GATA4: variants seen among roughly 807,000 people sequenced by gnomAD.
GATA4 encodes GATA binding protein 4.
A neutral mutation model predicts 37.9 loss-of-function variants in GATA4; 7 were observed. That is an observed-to-expected ratio of 0.18 (90% CI 0.11 to 0.35). The LOEUF is 0.35. Ranked by LOEUF, GATA4 falls within the 10% of genes least tolerant of loss-of-function variation. GATA4 has a pLI of 1.00. For synonymous variants in GATA4, 372 were observed against 292.6 expected, an observed-to-expected ratio of 1.27 and a Z score of -2.77; for missense variants, 647 against 653.0, an observed-to-expected ratio of 0.99 and a Z score of 0.10.
chr8:11,690,519 G>T (rs932486438), upstream of GATA4, among the ~76,000 whole-genome samples: 1 of 151,994 alleles, frequency 6.6e-6, no homozygotes. Context: ...AAACAGAAGG[G>T]GAAAGAGACT....
At chr8:11,748,789 G>A (rs1343703628) in intron 2 of GATA4, 127 bp from the exon 3 acceptor site, 8 of 1,048,920 alleles carry the variant, frequency 7.6e-6, no homozygotes, top group East Asian at 4.7e-5. Context: ...AGAGCAGCCC[G>A]AGGTGGTCTT....
At chr8:11,688,586 C>T (rs1210078299), upstream of GATA4, among the ~76,000 whole-genome samples, 2 of 151,836 alleles carry the variant, frequency 1.3e-5, no homozygotes, top group African/African-American at 2.4e-5. Flanking sequence ...TGTGTGGGGA[C>T]GTTATGTGAT....
intron 1 of GATA4, among the ~76,000 whole-genome samples, chr8:11,695,801 G>T (rs1418445754): frequency 6.6e-6 from 1 of 152,168 alleles, no homozygotes; most frequent in Non-Finnish European, 1.5e-5. Context: ...AAACATGAGT[G>T]CACCGGCGCT....
rs188654804 is a variant in GATA4 at position 11,758,873 on chromosome 8, C to A, written c.*398C>A. 6.4e-4 allele frequency: 208 copies of A among 325,360 alleles called. No individual in the cohort carries two copies. Among genetic ancestry groups the A allele is most frequent in the African/African-American group, 3.9e-3 (180 of 46,736 alleles). The allele number at this position is 325,360 out of a possible 1,614,324, so 20.2% of individuals were successfully genotyped here. A position where few individuals can be genotyped will look rare whatever the true frequency, so the allele number is the denominator to read the frequency against. ...GGGACCCCTGCTCCAGCCCGAATGA[C>A]GGCATCTGTTTGCCATGTACCTGGA... is the stretch of plus-strand genomic sequence containing the variant. On this transcript the variant is annotated 3_prime_UTR_variant, in exon 7 of 7. Transcript: ENST00000532059.
rs371571200 is a variant in GATA4 at position 11,731,128 on chromosome 8, G to A, written c.617-17788G>A. On this transcript the variant is annotated intron_variant, in intron 2 of 6. Transcript: ENST00000532059. ...AGAGAATAATATTGCAGCTACCACT[G>A]CCTCTGAGTTTCCTCCTGGAAGACT... Among the ~76,000 whole-genome samples the A allele has an allele frequency of 1.1e-3, 168 of 152,328 alleles. 1 individual carries two copies. The highest frequency in any genetic ancestry group is 3.8e-3 in the African/African-American group (157 of 41,580).
chr8:11,739,242 T>G (rs1377806485), intron 2 of GATA4, among the ~76,000 whole-genome samples: 1 of 152,250 alleles, frequency 6.6e-6, no homozygotes, highest in Non-Finnish European at 1.5e-5. Flanking sequence ...AAGAACATAG[T>G]CTATCCAATT....
intron 2 of GATA4, among the ~76,000 whole-genome samples, chr8:11,725,690 G>A (rs923944130): frequency 5.7e-4 from 87 of 152,358 alleles, no homozygotes; most frequent in African/African-American, 2.0e-3. Flanking sequence ...TGCCTGTCGT[G>A]GCAGGGAAGA....
intron 2 of GATA4, among the ~76,000 whole-genome samples, chr8:11,712,375 G>GAGGAGAAGCAGCTGAGAGCAA (rs1800226296): frequency 6.6e-6 from 1 of 152,176 alleles, no homozygotes; most frequent in African/African-American, 2.4e-5. Flanking sequence ...AGAAACAGCA[G>GAGGAGAAGCAGCTGAGAGCAA]AGGAGAAGCA....
upstream of GATA4, among the ~76,000 whole-genome samples, chr8:11,703,645 G>A (rs1271278816): frequency 6.6e-6 from 1 of 152,214 alleles, no homozygotes; most frequent in Non-Finnish European, 1.5e-5. Context: ...TGGGATTTTG[G>A]GAAGGCAAAA....
intron 1 of GATA4, chr8:11,680,508 G>C (rs1343774477): frequency 2.0e-6 from 2 of 985,472 alleles, no homozygotes; most frequent in East Asian, 2.3e-4. Flanking sequence ...GCGCCACATG[G>C]GCCAGGTCAC....
At chr8:11,697,196 G>C (rs991828257) in intron 1 of GATA4, among the ~76,000 whole-genome samples, 1 of 152,220 alleles carries the variant, frequency 6.6e-6, no homozygotes, top group Non-Finnish European at 1.5e-5. Context: ...GCAGAACAGG[G>C]GGCAGCACCA....
At chr8:11,736,781 T>C (rs1297505033) in intron 2 of GATA4, among the ~76,000 whole-genome samples, 4 of 152,220 alleles carry the variant, frequency 2.6e-5, no homozygotes, top group Non-Finnish European at 5.9e-5. Context: ...AGGTATAGCG[T>C]TAGCATTTGA....
chr8:11,679,313 G>C (rs935900029), intron 1 of GATA4, among the ~76,000 whole-genome samples: 1 of 152,162 alleles, frequency 6.6e-6, no homozygotes, highest in Non-Finnish European at 1.5e-5. Flanking sequence ...TCTCAGACTC[G>C]GGGATGGGGG....
intron 2 of GATA4, among the ~76,000 whole-genome samples, chr8:11,726,015 C>T (rs1368466688): frequency 2.0e-5 from 3 of 152,208 alleles, no homozygotes; most frequent in South Asian, 2.1e-4. Context: ...GATTATAGTT[C>T]CACTAGCCTG....
At chr8:11,757,462 C>T (rs963841562) in intron 6 of GATA4, among the ~76,000 whole-genome samples, 9 of 152,126 alleles carry the variant, frequency 5.9e-5, no homozygotes, top group African/African-American at 1.4e-4. Context: ...AATGAGACTG[C>T]GTGCTGGGGC....
intron 4 of GATA4, 61 bp downstream of exon 4, chr8:11,750,297 C>T (rs1214948024): frequency 3.2e-5 from 52 of 1,601,184 alleles, no homozygotes; most frequent in African/African-American, 1.3e-5. Flanking sequence ...CTCAGTCCTC[C>T]CTTGTCTTCT....
chr8:11,706,269 G>A (rs978392984), intron 1 of GATA4, among the ~76,000 whole-genome samples: 4 of 152,122 alleles, frequency 2.6e-5, no homozygotes, highest in Admixed American at 2.0e-4. Context: ...ATGGTGAAAA[G>A]CATTATGTAG....
intron 2 of GATA4, among the ~76,000 whole-genome samples, chr8:11,727,304 C>T (rs1340888900): frequency 6.6e-6 from 1 of 152,028 alleles, no homozygotes; most frequent in African/African-American, 2.4e-5. Flanking sequence ...CAGGACAAAG[C>T]AGAGGATGGG....
chr8:11,690,280 G>C (rs939272686), upstream of GATA4, among the ~76,000 whole-genome samples: 1 of 152,222 alleles, frequency 6.6e-6, no homozygotes, highest in African/African-American at 2.4e-5. Context: ...CAGTCATCAA[G>C]GATGGGGATT....
Sources: gnomAD v4.1 joint callset for allele counts (sites outside exome capture counted in the v4.1 genomes callset) on GRCh38, gnomAD v4.1.1 for gene constraint, MANE v1.5 for transcripts, NCBI Gene and HGNC (gene_info 2026-07-23, HGNC 2026-07-21) for gene names.